The following LRRFIP1 variants were observed in gnomAD, a reference collection of about 807,000 sequenced individuals.
The protein encoded by LRRFIP1 is LRR binding FLII interacting protein 1, also known as leucine-rich repeat flightless-interacting protein 1.
Under a neutral mutation model 104.4 loss-of-function variants are expected in LRRFIP1, and 62 were observed. That is an observed-to-expected ratio of 0.59 (90% CI 0.48 to 0.73). The LOEUF (loss-of-function observed/expected upper bound fraction) is 0.73, where lower values mean the gene tolerates loss of function less well. Ranked by LOEUF, LRRFIP1 falls within the 30% of genes least tolerant of loss-of-function variation. The pLI is 0.00. For synonymous variants in LRRFIP1, 300 were observed against 299.0 expected (o/e 1.00, Z -0.03); for missense variants, 796 against 824.5 (o/e 0.97, Z 0.42).
At chr2:237,666,941 T>G (rs924409981) in intron 1 of LRRFIP1, among the ~76,000 whole-genome samples, 2 of 150,314 alleles carry the variant, frequency 1.3e-5, no homozygotes, top group Admixed American at 1.3e-4. Context: ...TCTTTCTTTC[T>G]TTCTTTTTCT....
chr2:237,633,079 G>A (rs2082622904), intron 1 of LRRFIP1, among the ~76,000 whole-genome samples: 1 of 152,174 alleles, frequency 6.6e-6, no homozygotes, highest in South Asian at 2.1e-4. Context: ...GAGGTGAGGG[G>A]CGTTCAGTGC....
chr2:237,736,164 T>C (rs190029166), intron 10 of LRRFIP1, among the ~76,000 whole-genome samples: 155 of 152,384 alleles, frequency 1.0e-3, no homozygotes, highest in African/African-American at 3.6e-3. Flanking sequence ...TGGATATTCA[T>C]GAATTCTTAT....
At chr2:237,765,549 C>G (rs1442917614) in intron 19 of LRRFIP1, 8 of 974,250 alleles carry the variant, frequency 8.2e-6, no homozygotes, top group East Asian at 2.3e-4. Flanking sequence ...GTACAAGCTA[C>G]TAATTAGACT....
At position 237,756,191 on chromosome 2, in the gene LRRFIP1, G is replaced by C. The variant is rs749664854; in HGVS notation, c.1131+4G>C. On this transcript the variant is annotated splice_donor_region_variant and intron_variant, in intron 16 of 23. Coordinates refer to ENST00000308482, the MANE Select transcript of LRRFIP1 (RefSeq NM_001137550.2). ...GCAAAGAGAGGAAATGCTCGAGGTA[G>C]GTAGCATTCTCCTGCTTTTCTTTTC... 3 of 1,607,830 alleles carry C rather than the reference G, an allele frequency of 1.9e-6. No individual in the cohort carries two copies. Among genetic ancestry groups the C allele is most frequent in the Non-Finnish European group, 2.6e-6 (3 of 1,175,394 alleles).
chr2:237,765,262 TAA>T (rs769156778), intron 19 of LRRFIP1: 61 of 124,696 alleles, frequency 4.9e-4, no homozygotes, highest in Non-Finnish European at 8.8e-4. Context: ...AAACTCTGTC[TAA>T]AAAAAAAAAA....
intron 23 of LRRFIP1, among the ~76,000 whole-genome samples, chr2:237,779,037 C>T (rs2061331628): frequency 6.6e-6 from 1 of 152,170 alleles, no homozygotes; most frequent in African/African-American, 2.4e-5. Context: ...TCCTGGCCAA[C>T]ATGGCAAAAC....
chr2:237,725,314 C>T (rs1462032376), intron 7 of LRRFIP1, among the ~76,000 whole-genome samples: 1 of 152,086 alleles, frequency 6.6e-6, no homozygotes, highest in African/African-American at 2.4e-5. Context: ...GAGCATGGAA[C>T]CAGCAAAGTG....
intron 23 of LRRFIP1, among the ~76,000 whole-genome samples, chr2:237,778,227 AAG>A (rs1224254108): frequency 6.6e-6 from 1 of 152,226 alleles, no homozygotes; most frequent in Non-Finnish European, 1.5e-5. Context: ...TTCCTGCAAA[AAG>A]GGCTTGCTTC....
intron 23 of LRRFIP1, among the ~76,000 whole-genome samples, chr2:237,778,233 T>C (rs1450113598): frequency 6.6e-6 from 1 of 152,248 alleles, no homozygotes; most frequent in East Asian, 1.9e-4. Context: ...CAAAAAGGGC[T>C]TGCTTCTGCC....
chr2:237,665,909 C>T (rs1025026662), intron 1 of LRRFIP1, among the ~76,000 whole-genome samples: 1 of 152,220 alleles, frequency 6.6e-6, no homozygotes, highest in Admixed American at 6.5e-5. Flanking sequence ...ATGCTGTTTC[C>T]ATGGCAACTG....
At chr2:237,682,314 G>T (rs2091928884) in intron 1 of LRRFIP1, among the ~76,000 whole-genome samples, 1 of 152,224 alleles carries the variant, frequency 6.6e-6, no homozygotes, top group Non-Finnish European at 1.5e-5. Flanking sequence ...CCTGTTACTT[G>T]CAGTCCTCCG....
intron 17 of LRRFIP1, 70 bp from the exon 18 acceptor site, chr2:237,758,659 T>C: frequency 9.5e-7 from 1 of 1,048,920 alleles, no homozygotes; most frequent in Non-Finnish European, 1.5e-6. Flanking sequence ...TCCTTCTGGT[T>C]CCTGCTTCTG....
At chr2:237,732,841 T>C (rs1379774290) in intron 8 of LRRFIP1, among the ~76,000 whole-genome samples, 1 of 152,214 alleles carries the variant, frequency 6.6e-6, no homozygotes, top group Non-Finnish European at 1.5e-5. Context: ...CCCTGAGAAG[T>C]GGACAGAACA....
intron 1 of LRRFIP1, among the ~76,000 whole-genome samples, chr2:237,685,550 G>A (rs1436861702): frequency 6.6e-6 from 1 of 152,072 alleles, no homozygotes; most frequent in Non-Finnish European, 1.5e-5. Context: ...TCCTGCACAG[G>A]AAGCTCTGCA....
At chr2:237,713,185 G>A (rs548364374) in intron 2 of LRRFIP1, among the ~76,000 whole-genome samples, 67 of 152,130 alleles carry the variant, frequency 4.4e-4, no homozygotes, top group African/African-American at 1.5e-3. Flanking sequence ...AGTGTCGGGG[G>A]CAGCCCTGTC....
intron 6 of LRRFIP1, chr2:237,721,511 A>G (rs1023692789): frequency 6.6e-6 from 1 of 152,252 alleles, no homozygotes; most frequent in African/African-American, 2.4e-5. Flanking sequence ...AAATCAGTGA[A>G]TTAACCTGAG....
At position 237,703,474 on chromosome 2, in the gene LRRFIP1, A is replaced by G. The variant is rs188243083; in HGVS notation, c.97-5070A>G. On this transcript the variant is annotated intron_variant, in intron 1 of 23. Transcript: ENST00000308482. The surrounding 1 kb of genome is among the most constrained non-coding windows in gnomAD (Gnocchi z 4.3). ...CCCTTCAGTGGTTCTGAATTCTTTC[A>G]AGACGAGGTTCCAGATACGGAGGCT... 1.8e-3 allele frequency among the ~76,000 whole-genome samples: 276 copies of G among 152,258 alleles called. No homozygotes were observed. The highest frequency in any genetic ancestry group is 3.2e-3 in the Non-Finnish European group (218 of 68,028).
intron 1 of LRRFIP1, among the ~76,000 whole-genome samples, chr2:237,635,661 A>C (rs1189848279): frequency 6.6e-6 from 1 of 152,186 alleles, no homozygotes; most frequent in Non-Finnish European, 1.5e-5. Flanking sequence ...TCCTTTAAAA[A>C]TATATTTTTT....
At chr2:237,715,592 A>G (rs1259036750) in intron 3 of LRRFIP1, among the ~76,000 whole-genome samples, 1 of 152,272 alleles carries the variant, frequency 6.6e-6, no homozygotes, top group African/African-American at 2.4e-5. Context: ...GTGGAGGAGC[A>G]GAGGCACAGT....
Sources: gnomAD v4.1 joint callset for allele counts (sites outside exome capture counted in the v4.1 genomes callset) on GRCh38, gnomAD v4.1.1 for gene constraint, Gnocchi (gnomAD v3.1) non-coding constraint, MANE v1.5 for transcripts, NCBI Gene and HGNC (gene_info 2026-07-23, HGNC 2026-07-21) for gene names.